SERGEF: variants seen among roughly 807,000 people sequenced by gnomAD.
SERGEF encodes the protein secretion regulating guanine nucleotide exchange factor.
In SERGEF, 51 loss-of-function variants were observed where a neutral mutation model predicts 50.0. The ratio of observed to expected loss-of-function variants is 1.02; its 90% CI spans 0.81 to 1.29. The LOEUF is 1.29. SERGEF is among the 50% of genes most tolerant of loss of function. The pLI, the probability that SERGEF is intolerant of heterozygous loss-of-function variation, is 0.00. For synonymous variants in SERGEF, 205 were observed against 212.4 expected (o/e 0.97, Z 0.30); for missense variants, 521 against 557.0 (o/e 0.94, Z 0.65).
At chr11:17,900,545 A>T (rs993260842) in intron 9 of SERGEF, among the ~76,000 whole-genome samples, 1 of 152,210 alleles carries the variant, frequency 6.6e-6, no homozygotes, top group African/African-American at 2.4e-5. Flanking sequence ...TTAAACTAAA[A>T]TCTACTGTTT....
At chr11:17,796,601 TC>T (rs1443174932) in intron 10 of SERGEF, among the ~76,000 whole-genome samples, 1 of 152,206 alleles carries the variant, frequency 6.6e-6, no homozygotes, top group Non-Finnish European at 1.5e-5. Context: ...ATCTTGGACT[TC>T]CCAGTCTCCA....
In SERGEF at chr11:17,966,114, C is replaced by A. The variant is rs1565217450; in HGVS notation, c.845-6478G>T. ...TAGGGTCAATGCCTCTAATGATAATCAAAAAAGAGAAAGAACATTGAAAGC... is the reference window on the plus strand; with the variant it reads ...TAGGGTCAATGCCTCTAATGATAATAAAAAAAGAGAAAGAACATTGAAAGC... On this transcript the variant is annotated intron_variant, in intron 8 of 10. Transcript: ENST00000265965. Among the ~76,000 whole-genome samples the A allele has an allele frequency of 2.0e-5, 3 of 151,818 alleles. 1 individual carries two copies.
At chr11:17,846,123 A>G (rs1850606389) in intron 10 of SERGEF, among the ~76,000 whole-genome samples, 1 of 152,234 alleles carries the variant, frequency 6.6e-6, no homozygotes, top group Non-Finnish European at 1.5e-5. Flanking sequence ...GAGACAGAAC[A>G]GAGCCAGGAA....
At chr11:17,902,851 C>T (rs555443067) in intron 9 of SERGEF, among the ~76,000 whole-genome samples, 1 of 152,296 alleles carries the variant, frequency 6.6e-6, no homozygotes, top group South Asian at 2.1e-4. Flanking sequence ...GGATATCTGC[C>T]TATCTACCAG....
rs1854079172 is a variant in SERGEF at position 18,006,584 on chromosome 11, A to G, written c.352+7T>C. On this transcript the variant is annotated splice_region_variant and intron_variant, in intron 3 of 10. Transcript: ENST00000265965. The stretch of plus-strand genomic sequence containing the variant: ...GGTGACAAAAATCTACCTAGGAGTG[A>G]ACTCACCTGTGAGCATAATCGTAAA... 1 of 1,613,000 alleles carries G rather than the reference A, an allele frequency of 6.2e-7. No individual in the cohort carries two copies. Among genetic ancestry groups the G allele is most frequent in the African/African-American group, 1.3e-5 (1 of 74,846 alleles).
chr11:17,859,797 G>GA (rs1850893317), intron 10 of SERGEF, among the ~76,000 whole-genome samples: 1 of 152,084 alleles, frequency 6.6e-6, no homozygotes, highest in Non-Finnish European at 1.5e-5. Flanking sequence ...AAGTCAGAAT[G>GA]AAAAAAATTG....
At chr11:17,820,927 G>A (rs545604421) in intron 10 of SERGEF, among the ~76,000 whole-genome samples, 1 of 152,120 alleles carries the variant, frequency 6.6e-6, no homozygotes, top group African/African-American at 2.4e-5. Flanking sequence ...AAGCTGGAAG[G>A]GTCAAAGAAC....
At chr11:17,982,511 C>G (rs138085633) in intron 8 of SERGEF, among the ~76,000 whole-genome samples, 1 of 152,310 alleles carries the variant, frequency 6.6e-6, no homozygotes, top group African/African-American at 2.4e-5. Context: ...ATCATTAATT[C>G]CAAAGCACCT....
rs140207440 is a variant in SERGEF, at chr11:17,951,977, T to A, written c.1011+7493A>T. Among the ~76,000 whole-genome samples the A allele has an allele frequency of 6.0e-3, 913 of 152,226 alleles. 15 individuals are homozygous for A. Among genetic ancestry groups the A allele is most frequent in the African/African-American group, 0.02 (849 of 41,536 alleles). On this transcript the variant is annotated intron_variant, in intron 9 of 10. Coordinates refer to ENST00000265965, the MANE Select transcript of SERGEF (RefSeq NM_012139.4). Reference sequence around the variant, plus strand: ...CTCCCAGGTAGCCTCCCTGCCCTAATCTCATCACTCCAGCAGATAATTTTC... The same window carrying A: ...CTCCCAGGTAGCCTCCCTGCCCTAAACTCATCACTCCAGCAGATAATTTTC...
chr11:17,979,395 C>T (rs946851920), intron 8 of SERGEF, among the ~76,000 whole-genome samples: 1 of 152,136 alleles, frequency 6.6e-6, no homozygotes, highest in East Asian at 1.9e-4. Context: ...CATAAGAACA[C>T]CTGCAGGGTC....
intron 9 of SERGEF, among the ~76,000 whole-genome samples, chr11:17,898,416 T>G (rs1851685929): frequency 6.6e-6 from 1 of 152,244 alleles, no homozygotes; most frequent in African/African-American, 2.4e-5. Flanking sequence ...GCCAAGTTAC[T>G]AAGACTTTCT....
intron 3 of SERGEF, 127 bp downstream of exon 3, chr11:18,006,464 C>T: frequency 1.1e-6 from 1 of 935,088 alleles, no homozygotes. Context: ...TTGTGAGCCA[C>T]CGCACCAGGC....
intron 10 of SERGEF, among the ~76,000 whole-genome samples, chr11:17,866,216 A>G (rs1851019920): frequency 6.6e-6 from 1 of 152,214 alleles, no homozygotes; most frequent in Non-Finnish European, 1.5e-5. Context: ...CAGCTCTGCT[A>G]CTGACCAGCT....
chr11:17,829,647 A>G (rs1850259618), intron 10 of SERGEF, among the ~76,000 whole-genome samples: 1 of 152,184 alleles, frequency 6.6e-6, no homozygotes, highest in African/African-American at 2.4e-5. Context: ...AAAAAATCCA[A>G]CAACTACTAA....
rs61666152 is a variant in SERGEF, at chr11:17,948,117, A to T, written c.1011+11353T>A. 8.3e-3 allele frequency among the ~76,000 whole-genome samples: 1,264 copies of T among 152,164 alleles called. 17 individuals are homozygous for T. Among genetic ancestry groups the T allele is most frequent in the African/African-American group, 0.029 (1,198 of 41,508 alleles). Reference sequence around the variant, plus strand: ...CCTAATGTTTGTGTTTTTTGTAGAGACAGGGTTTTGCCATGTTGCCCAGGC... The same window carrying T: ...CCTAATGTTTGTGTTTTTTGTAGAGTCAGGGTTTTGCCATGTTGCCCAGGC... On this transcript the variant is annotated intron_variant, in intron 9 of 10. Transcript: ENST00000265965.
intron 10 of SERGEF, among the ~76,000 whole-genome samples, chr11:17,798,874 C>T (rs1565170264): frequency 6.6e-6 from 1 of 152,220 alleles, no homozygotes. Context: ...GATGAGGAAA[C>T]AGGCTGGGAG....
intron 9 of SERGEF, among the ~76,000 whole-genome samples, chr11:17,956,441 C>T (rs1447477489): frequency 1.3e-5 from 2 of 152,188 alleles, no homozygotes; most frequent in African/African-American, 4.8e-5. Context: ...CCTTAGTCTC[C>T]TTATTCATAA....
chr11:17,859,754 TA>T (rs1170749994), intron 10 of SERGEF, among the ~76,000 whole-genome samples: 5 of 152,086 alleles, frequency 3.3e-5, no homozygotes, highest in Admixed American at 3.3e-4. Flanking sequence ...ATAGTAACAT[TA>T]GATGCTAGAG....
At chr11:17,797,518 A>G (rs2133822704) in intron 10 of SERGEF, among the ~76,000 whole-genome samples, 2 of 152,288 alleles carry the variant, frequency 1.3e-5, no homozygotes, top group East Asian at 3.9e-4. Flanking sequence ...TTTATATGAA[A>G]TAGCAGTCTA....
Sources: allele counts gnomAD v4.1 joint callset (sites outside exome capture counted in the v4.1 genomes callset), GRCh38; gene constraint gnomAD v4.1.1; transcripts MANE v1.5; gene names NCBI Gene and HGNC (gene_info 2026-07-23, HGNC 2026-07-21).